The following GPM6A variants were observed in gnomAD, a reference collection of about 807,000 sequenced individuals.
GPM6A encodes the protein glycoprotein M6A.
GPM6A carries 7 observed loss-of-function variants against 32.1 expected under a neutral mutation model. The ratio of observed to expected loss-of-function variants is 0.22; its 90% CI spans 0.12 to 0.41. The LOEUF is 0.41. Ranked by LOEUF, GPM6A falls within the 10% of genes least tolerant of loss-of-function variation. GPM6A has a pLI of 1.00. For synonymous variants in GPM6A, 130 were observed against 123.4 expected (o/e 1.05, Z -0.35); for missense variants, 235 against 347.2 (o/e 0.68, Z 2.57).
intron 1 of GPM6A, among the ~76,000 whole-genome samples, chr4:175,758,592 AT>A (rs1406708685): frequency 1.2e-4 from 19 of 152,318 alleles, no homozygotes; most frequent in Admixed American, 3.3e-4. Flanking sequence ...AGCAAATTAA[AT>A]CTAAAAATGA....
At chr4:175,882,679 C>T (rs1737319617) in intron 1 of GPM6A, among the ~76,000 whole-genome samples, 1 of 151,786 alleles carries the variant, frequency 6.6e-6, no homozygotes, top group Admixed American at 6.6e-5. Flanking sequence ...AAACCAGGTG[C>T]TATGCCAGAC....
At chr4:175,941,237 TTAA>T (rs1739394195) in intron 1 of GPM6A, among the ~76,000 whole-genome samples, 1 of 152,228 alleles carries the variant, frequency 6.6e-6, no homozygotes. Flanking sequence ...GAACATCATT[TTAA>T]TAATGTTTTT....
chr4:175,640,017 C>A (rs17313697), intron 6 of GPM6A, 112 bp downstream of exon 6: 36,153 of 865,196 alleles, frequency 0.042, 1,036 homozygotes, highest in Admixed American at 0.084. Context: ...AATCTGATGA[C>A]ATAAATGTGT....
At chr4:175,686,456 A>T (rs992130378) in intron 2 of GPM6A, among the ~76,000 whole-genome samples, 1 of 152,194 alleles carries the variant, frequency 6.6e-6, no homozygotes, top group Non-Finnish European at 1.5e-5. Context: ...TGGGGCCTCA[A>T]TGCAAGCTCA....
At chr4:175,699,965 C>G (rs1034330920) in intron 2 of GPM6A, among the ~76,000 whole-genome samples, 1 of 152,012 alleles carries the variant, frequency 6.6e-6, no homozygotes, top group Non-Finnish European at 1.5e-5. Flanking sequence ...TGGGCTCAAG[C>G]GATTCTCATA....
intron 1 of GPM6A, among the ~76,000 whole-genome samples, chr4:175,704,157 C>T (rs1745029913): frequency 6.6e-6 from 1 of 152,224 alleles, no homozygotes; most frequent in East Asian, 1.9e-4. Flanking sequence ...ATTTTTAATG[C>T]TGCTCACTGA....
chr4:175,668,859 C>T (rs1042103529), intron 3 of GPM6A, among the ~76,000 whole-genome samples: 1 of 152,120 alleles, frequency 6.6e-6, no homozygotes, highest in Non-Finnish European at 1.5e-5. Context: ...AAAAGACCCT[C>T]GTAAACAGAT....
At chr4:175,815,501 T>C (rs968278383), upstream of GPM6A, among the ~76,000 whole-genome samples, 8 of 152,170 alleles carry the variant, frequency 5.3e-5, no homozygotes, top group Admixed American at 1.3e-4. Context: ...CAATGATGTG[T>C]CCTTATGGGG....
rs374571140 is a variant in GPM6A at position 175,799,671 on chromosome 4, C to CTTTTTTTTTTTTT, written c.37+12507_37+12519dup. ...TCACCCTAAAAGTAGCAAGTGTTTTCTTTTTTTTTTTTTTGAGACGGAGTC... is the reference window on the plus strand; with the variant it reads ...TCACCCTAAAAGTAGCAAGTGTTTTCTTTTTTTTTTTTTTTTTTTTTTTTTTTGAGACGGAGTC... On this transcript the variant is annotated intron_variant, in intron 1 of 6. Coordinates refer to ENST00000393658, the MANE Select transcript of GPM6A (RefSeq NM_201591.3). 4.4e-3 allele frequency among the ~76,000 whole-genome samples: 533 copies of CTTTTTTTTTTTTT among 121,948 alleles called. 11 individuals are homozygous for CTTTTTTTTTTTTT. The highest frequency in any genetic ancestry group is 0.01 in the Middle Eastern group (2 of 196). 80.0% of individuals were successfully genotyped at this position (121,948 alleles called of 152,430 possible). A position where few individuals can be genotyped will look rare whatever the true frequency, so the allele number is the denominator to read the frequency against.
intron 1 of GPM6A, among the ~76,000 whole-genome samples, chr4:175,858,298 G>A (rs934499356): frequency 9.2e-5 from 14 of 152,146 alleles, no homozygotes; most frequent in South Asian, 2.1e-4. Flanking sequence ...TTGAGAGGCC[G>A]AGGTGAGCAG....
rs146658517 is a variant in GPM6A, at chr4:175,971,270, G to GAAAAAAA, written c.-23+31032_-23+31038dup. On this transcript the variant is annotated intron_variant, in intron 1 of 7. Coordinates refer to the GPM6A transcript ENST00000280187. Reference sequence around the variant, plus strand: ...CATTAGTGTTCTCTTTATCTTCCGTGAAAAAAAAAAAAAAAAATTCTGAAA... The same window carrying GAAAAAAA: ...CATTAGTGTTCTCTTTATCTTCCGTGAAAAAAAAAAAAAAAAAAAAAAAATTCTGAAA... Among the ~76,000 whole-genome samples, 1,026 of 131,968 alleles carry GAAAAAAA rather than the reference G, an allele frequency of 7.8e-3. 7 individuals are homozygous for GAAAAAAA. Among genetic ancestry groups the GAAAAAAA allele is most frequent in the African/African-American group, 0.027 (966 of 36,308 alleles). 86.6% of individuals were successfully genotyped at this position (131,968 alleles called of 152,430 possible).
At chr4:175,805,796 C>T (rs1734672179) in intron 1 of GPM6A, 1 of 151,980 alleles carries the variant, frequency 6.6e-6, no homozygotes, top group Non-Finnish European at 1.5e-5. Flanking sequence ...AACTTAATTC[C>T]CTAGTAAACT....
intron 1 of GPM6A, among the ~76,000 whole-genome samples, chr4:175,708,611 T>A (rs1245686353): frequency 6.6e-6 from 1 of 151,954 alleles, no homozygotes; most frequent in African/African-American, 2.4e-5. Flanking sequence ...GGTCTCGAAC[T>A]CCTGGGAGAA....
At chr4:175,668,415 C>A (rs1344997777) in intron 3 of GPM6A, among the ~76,000 whole-genome samples, 6 of 151,194 alleles carry the variant, frequency 4.0e-5, no homozygotes, top group Admixed American at 1.3e-4. Flanking sequence ...TGCTGAGAAA[C>A]CAGTTAAAAT....
chr4:175,754,888 A>T (rs1255104220), intron 1 of GPM6A, among the ~76,000 whole-genome samples: 1 of 152,106 alleles, frequency 6.6e-6, no homozygotes, highest in Admixed American at 6.6e-5. Flanking sequence ...TTGATTTGAT[A>T]TTCCTGTTGC....
At chr4:175,864,771 G>A (rs1736678958) in intron 1 of GPM6A, among the ~76,000 whole-genome samples, 3 of 151,098 alleles carry the variant, frequency 2.0e-5, no homozygotes. Flanking sequence ...ATTTCTATTT[G>A]GTGTTCTTTA....
chr4:175,698,833 A>T (rs1320998658), intron 2 of GPM6A, among the ~76,000 whole-genome samples: 1 of 152,182 alleles, frequency 6.6e-6, no homozygotes, highest in Non-Finnish European at 1.5e-5. Context: ...CAAAGGTAAA[A>T]CTACCAAATT....
chr4:175,887,168 C>T (rs948816575), intron 1 of GPM6A, among the ~76,000 whole-genome samples: 4 of 151,798 alleles, frequency 2.6e-5, no homozygotes, highest in Non-Finnish European at 5.9e-5. Context: ...CTTTTATAAA[C>T]ACCAATCAAT....
At chr4:175,682,917 T>C (rs182993848) in intron 2 of GPM6A, among the ~76,000 whole-genome samples, 1 of 151,714 alleles carries the variant, frequency 6.6e-6, no homozygotes, top group East Asian at 1.9e-4. Context: ...AGAAAAAGAG[T>C]TTGGAGCTCC....
Sources: gnomAD v4.1 joint callset for allele counts (sites outside exome capture counted in the v4.1 genomes callset) on GRCh38, gnomAD v4.1.1 for gene constraint, MANE v1.5 for transcripts, NCBI Gene and HGNC (gene_info 2026-07-23, HGNC 2026-07-21) for gene names.